CSNK2A2IP: variants seen among roughly 807,000 people sequenced by gnomAD.
The protein encoded by CSNK2A2IP is casein kinase 2 subunit alpha' interacting protein.
At chr3:88,393,752 G>A in the CSNK2A2IP span, among the ~76,000 whole-genome samples, 2 of 152,180 alleles carry the variant, frequency 1.3e-5, no homozygotes, top group Admixed American at 6.5e-5. Flanking sequence ...TGGAGACGTA[G>A]AATTTGAGAT....
the CSNK2A2IP span, among the ~76,000 whole-genome samples, chr3:88,357,645 C>T: frequency 6.6e-6 from 1 of 152,090 alleles, no homozygotes; most frequent in Non-Finnish European, 1.5e-5. Flanking sequence ...ATAAGGATTG[C>T]ATTGAATCTG....
chr3:88,363,408 G>T, the CSNK2A2IP span, among the ~76,000 whole-genome samples: 1 of 152,096 alleles, frequency 6.6e-6, no homozygotes, highest in African/African-American at 2.4e-5. Flanking sequence ...CCTTTAAAAA[G>T]TATCTTTCAT....
At chr3:88,447,971 C>T in the CSNK2A2IP span, among the ~76,000 whole-genome samples, 87 of 152,052 alleles carry the variant, frequency 5.7e-4, no homozygotes, top group Admixed American at 1.6e-3. Flanking sequence ...ATTTCCAAAG[C>T]GTTAATTTCA....
At chr3:88,361,761 G>A in the CSNK2A2IP span, among the ~76,000 whole-genome samples, 9 of 151,576 alleles carry the variant, frequency 5.9e-5, no homozygotes, top group Non-Finnish European at 1.3e-4. Flanking sequence ...TTTTTACTTT[G>A]CCCTTCTTCT....
chr3:88,402,671 G>A, the CSNK2A2IP span, among the ~76,000 whole-genome samples: 1 of 151,602 alleles, frequency 6.6e-6, no homozygotes, highest in Admixed American at 6.6e-5. Context: ...TATATGCTAT[G>A]TGTAGACACA....
At chr3:88,403,669 T>G in the CSNK2A2IP span, among the ~76,000 whole-genome samples, 1 of 152,174 alleles carries the variant, frequency 6.6e-6, no homozygotes, top group African/African-American at 2.4e-5. Flanking sequence ...TTATCTTGTA[T>G]GATTTTAGCA....
chr3:88,377,991 C>A, the CSNK2A2IP span, among the ~76,000 whole-genome samples: 1 of 151,798 alleles, frequency 6.6e-6, no homozygotes, highest in African/African-American at 2.4e-5. Flanking sequence ...TTTTCACATA[C>A]CTCAAAACTA....
the CSNK2A2IP span, among the ~76,000 whole-genome samples, chr3:88,401,662 C>A: frequency 6.6e-6 from 1 of 151,986 alleles, no homozygotes; most frequent in East Asian, 1.9e-4. Flanking sequence ...ATCCTCAAAT[C>A]CTGCTGCTCT....
At chr3:88,415,295 A>T in the CSNK2A2IP span, among the ~76,000 whole-genome samples, 1 of 152,084 alleles carries the variant, frequency 6.6e-6, no homozygotes, top group East Asian at 1.9e-4. Context: ...TATTAAGGGA[A>T]AATTTATAAT....
chr3:88,423,333 G>A, the CSNK2A2IP span, among the ~76,000 whole-genome samples: 1 of 152,148 alleles, frequency 6.6e-6, no homozygotes, highest in African/African-American at 2.4e-5. Flanking sequence ...CTATATTAAG[G>A]AGCAGAAGAA....
chr3:88,438,476 C>T, the CSNK2A2IP span, among the ~76,000 whole-genome samples: 1 of 152,126 alleles, frequency 6.6e-6, no homozygotes, highest in African/African-American at 2.4e-5. Flanking sequence ...ATAACTCTAA[C>T]CCCACCTTTC....
chr3:88,385,023 T>C, the CSNK2A2IP span, among the ~76,000 whole-genome samples: 1 of 152,080 alleles, frequency 6.6e-6, no homozygotes, highest in African/African-American at 2.4e-5. Context: ...AAGTGGGCAG[T>C]TAGATATAGA....
At chr3:88,466,158 T>G in the CSNK2A2IP span, 770 of 1,231,646 alleles carry the variant, frequency 6.3e-4, 3 homozygotes, top group African/African-American at 0.011. Flanking sequence ...CCAATCAAAT[T>G]GCTCTTACCT....
At chr3:88,430,041 G>T in the CSNK2A2IP span, among the ~76,000 whole-genome samples, 1 of 151,966 alleles carries the variant, frequency 6.6e-6, no homozygotes, top group African/African-American at 2.4e-5. Context: ...GAGTACAGGC[G>T]TGAGCCACTG....
At chr3:88,391,316 C>T in the CSNK2A2IP span, among the ~76,000 whole-genome samples, 1 of 152,136 alleles carries the variant, frequency 6.6e-6, no homozygotes, top group Non-Finnish European at 1.5e-5. Flanking sequence ...ACTGTTTACT[C>T]ATTTATTCCT....
the CSNK2A2IP span, among the ~76,000 whole-genome samples, chr3:88,379,264 G>A: frequency 6.6e-5 from 10 of 151,992 alleles, no homozygotes; most frequent in African/African-American, 2.4e-4. Context: ...TAATGGAACT[G>A]CCTGTTCCTC....
chr3:88,409,552 T>TTTTTTTTTTTTTTTTTTGAGA, the CSNK2A2IP span, among the ~76,000 whole-genome samples: 1 of 152,004 alleles, frequency 6.6e-6, no homozygotes, highest in Non-Finnish European at 1.5e-5. Flanking sequence ...TTTTCTTAAT[T>TTTTTTTTTTTTTTTTTTGAGA]CTCTGAGAAT....
At chr3:88,397,353 A>G in the CSNK2A2IP span, among the ~76,000 whole-genome samples, 1 of 152,168 alleles carries the variant, frequency 6.6e-6, no homozygotes, top group Non-Finnish European at 1.5e-5. Flanking sequence ...TGTTTGTGCT[A>G]CCTTTACAAT....
At chr3:88,373,699 A>G in the CSNK2A2IP span, among the ~76,000 whole-genome samples, 1 of 151,324 alleles carries the variant, frequency 6.6e-6, no homozygotes, top group East Asian at 1.9e-4. Flanking sequence ...GAAATGCAAT[A>G]AAGCCAAAAG....
Sources: gnomAD v4.1 joint callset for allele counts (sites outside exome capture counted in the v4.1 genomes callset) on GRCh38, gnomAD v4.1.1 for gene constraint, MANE v1.5 for transcripts, NCBI Gene and HGNC (gene_info 2026-07-23, HGNC 2026-07-21) for gene names.